TAFA1: variants seen among roughly 807,000 people sequenced by gnomAD.
The protein encoded by TAFA1 is TAFA chemokine like family member 1.
In TAFA1, 4 loss-of-function variants were observed where a neutral mutation model predicts 18.5. That is an observed-to-expected ratio of 0.22 (90% CI 0.11 to 0.49). The LOEUF (loss-of-function observed/expected upper bound fraction) is 0.49, where lower values mean the gene tolerates loss of function less well. Among genes scored for constraint, TAFA1 ranks in the 20% least tolerant of loss-of-function variants. TAFA1 has a pLI of 0.98. For missense variants in TAFA1, 147 were observed against 169.0 expected (o/e 0.87, Z 0.72); for synonymous variants, 56 against 55.2 (o/e 1.01, Z -0.06).
intron 3 of TAFA1, among the ~76,000 whole-genome samples, chr3:68,479,241 A>AAAAATAT (rs1353493315): frequency 0.012 from 1,439 of 123,552 alleles, 14 homozygotes; most frequent in Non-Finnish European, 0.017. Context: ...AAAAAAAAAA[A>AAAAATAT]ATATATATAT....
chr3:68,317,787 G>GTC (rs1044177797), intron 2 of TAFA1, among the ~76,000 whole-genome samples: 1 of 152,136 alleles, frequency 6.6e-6, no homozygotes, highest in African/African-American at 2.4e-5. Flanking sequence ...TTCTTCTGTA[G>GTC]TCTCTCTCTC....
intron 2 of TAFA1, among the ~76,000 whole-genome samples, chr3:68,096,249 A>G (rs909429266): frequency 6.6e-6 from 1 of 152,128 alleles, no homozygotes; most frequent in South Asian, 2.1e-4. Flanking sequence ...ATTGCTTCAC[A>G]TGACAAGATT....
chr3:68,164,085 G>T (rs1056351431), intron 2 of TAFA1, among the ~76,000 whole-genome samples: 1 of 152,152 alleles, frequency 6.6e-6, no homozygotes, highest in African/African-American at 2.4e-5. Context: ...TAACAGATAT[G>T]CTAATCTCAG....
chr3:68,380,551 G>A (rs1215774989), intron 2 of TAFA1, among the ~76,000 whole-genome samples: 2 of 152,018 alleles, frequency 1.3e-5, no homozygotes, highest in East Asian at 3.9e-4. Context: ...TGTTTTTTTG[G>A]CTGCATAAAT....
In TAFA1 at chr3:68,252,161, C is replaced by T. The variant is rs73097340; in HGVS notation, c.119-165119C>T. On this transcript the variant is annotated intron_variant, in intron 2 of 4. Coordinates refer to ENST00000478136, the MANE Select transcript of TAFA1 (RefSeq NM_213609.4). ...CCTAAATGTCAGCAAATCTCCCTCT[C>T]CAGTCACAGGTCCAATTAATTATCT... Among the ~76,000 whole-genome samples the T allele has an allele frequency of 8.6e-3, 1,306 of 152,288 alleles. 13 individuals carry two copies. Among genetic ancestry groups the T allele is most frequent in the Non-Finnish European group, 0.015 (990 of 68,026 alleles).
chr3:68,266,946 C>T (rs201954557), intron 2 of TAFA1, among the ~76,000 whole-genome samples: 1 of 86,818 alleles, frequency 1.2e-5, no homozygotes, highest in African/African-American at 6.3e-5. Context: ...AAAGAACCTT[C>T]GGTGGACTCC....
intron 3 of TAFA1, among the ~76,000 whole-genome samples, chr3:68,504,011 T>C (rs186181923): frequency 2.0e-5 from 3 of 152,282 alleles, no homozygotes; most frequent in African/African-American, 7.2e-5. Context: ...TGAATTTTAG[T>C]GCATACCTAA....
chr3:68,481,910 T>G (rs2072244568), intron 3 of TAFA1, among the ~76,000 whole-genome samples: 1 of 152,218 alleles, frequency 6.6e-6, no homozygotes, highest in Admixed American at 6.5e-5. Context: ...CTAGTTGCAA[T>G]CTTCTCAAAT....
chr3:68,529,318 T>G (rs1194229759), intron 3 of TAFA1, among the ~76,000 whole-genome samples: 1 of 151,684 alleles, frequency 6.6e-6, no homozygotes, highest in Admixed American at 6.6e-5. Flanking sequence ...TTAGTGACTC[T>G]TAACTAGCAT....
At chr3:68,106,487 T>A (rs1023423119) in intron 2 of TAFA1, among the ~76,000 whole-genome samples, 3 of 152,140 alleles carry the variant, frequency 2.0e-5, no homozygotes, top group Non-Finnish European at 4.4e-5. Context: ...GTGTTGGACA[T>A]CAGAGTTTTA....
chr3:68,502,292 C>A (rs545658163), intron 3 of TAFA1, among the ~76,000 whole-genome samples: 1 of 151,976 alleles, frequency 6.6e-6, no homozygotes, highest in East Asian at 1.9e-4. Context: ...TATAATTACT[C>A]TTTTTATTGC....
rs184922347 is a variant in TAFA1 at position 68,448,782 on chromosome 3, G to A, written c.259+31362G>A. Among the ~76,000 whole-genome samples the A allele has an allele frequency of 8.1e-4, 124 of 152,254 alleles. 4 individuals are homozygous for A. The South Asian group carries it at 0.022, about 27-fold the overall frequency. Reference sequence around the variant, plus strand: ...GTGTAACCTGAATAAGTCAGCTAACGTCTCTGGGTTTTCATTTTCTCACTG... The same window carrying A: ...GTGTAACCTGAATAAGTCAGCTAACATCTCTGGGTTTTCATTTTCTCACTG... On this transcript the variant is annotated intron_variant, in intron 3 of 4. Coordinates refer to ENST00000478136, the MANE Select transcript of TAFA1 (RefSeq NM_213609.4).
At chr3:68,496,434 G>C (rs2106694302) in intron 3 of TAFA1, among the ~76,000 whole-genome samples, 1 of 152,218 alleles carries the variant, frequency 6.6e-6, no homozygotes, top group Middle Eastern at 3.4e-3. Flanking sequence ...TCAAAAGCTA[G>C]TCTCAATGCT....
At chr3:68,164,700 G>A (rs1419719053) in intron 2 of TAFA1, among the ~76,000 whole-genome samples, 5 of 150,864 alleles carry the variant, frequency 3.3e-5, no homozygotes, top group African/African-American at 1.2e-4. Context: ...CTAGTTCTTA[G>A]GGTTAGCTCT....
intron 2 of TAFA1, among the ~76,000 whole-genome samples, chr3:68,227,433 T>C (rs928631820): frequency 2.0e-5 from 3 of 152,188 alleles, no homozygotes; most frequent in Admixed American, 1.3e-4. Flanking sequence ...AACATAATTA[T>C]GTGGGCTGGA....
At chr3:68,356,786 A>C (rs892027422) in intron 2 of TAFA1, among the ~76,000 whole-genome samples, 3 of 151,998 alleles carry the variant, frequency 2.0e-5, no homozygotes, top group African/African-American at 7.2e-5. Flanking sequence ...ACACACATAC[A>C]TACATGCATA....
At chr3:68,015,191 T>C (rs893891440) in intron 2 of TAFA1, among the ~76,000 whole-genome samples, 1 of 152,210 alleles carries the variant, frequency 6.6e-6, no homozygotes. Context: ...ACTGGGGCTC[T>C]GGTAAACAGC....
At chr3:68,230,574 A>G (rs985453392) in intron 2 of TAFA1, among the ~76,000 whole-genome samples, 2 of 152,196 alleles carry the variant, frequency 1.3e-5, no homozygotes, top group Non-Finnish European at 2.9e-5. Context: ...TAGTTCTGCA[A>G]TAAACATGTG....
intron 2 of TAFA1, among the ~76,000 whole-genome samples, chr3:68,147,506 T>C (rs545275407): frequency 6.6e-6 from 1 of 152,076 alleles, no homozygotes; most frequent in Non-Finnish European, 1.5e-5. Context: ...CCACTTAATA[T>C]GTTAAGCTCG....
Sources: gnomAD v4.1 joint callset for allele counts (sites outside exome capture counted in the v4.1 genomes callset) on GRCh38, gnomAD v4.1.1 for gene constraint, MANE v1.5 for transcripts, NCBI Gene and HGNC (gene_info 2026-07-23, HGNC 2026-07-21) for gene names.